DGKG: variants seen among roughly 807,000 people sequenced by gnomAD.
The protein encoded by DGKG is diacylglycerol kinase gamma.
DGKG carries 78 observed loss-of-function variants against 105.3 expected under a neutral mutation model. The observed-to-expected ratio is 0.74, with a 90% CI of 0.62 to 0.89. The LOEUF (loss-of-function observed/expected upper bound fraction) is 0.89. DGKG is among the 40% of genes least tolerant of loss of function. The pLI is 0.00. For missense variants in DGKG, 958 were observed against 1,020.1 expected (o/e 0.94, Z 0.83); for synonymous variants, 346 against 367.1 (o/e 0.94, Z 0.66).
chr3:186,272,408 T>A, intron 10 of DGKG, 65 bp from the exon 11 acceptor site: 2 of 1,204,914 alleles, frequency 1.7e-6, no homozygotes, highest in Non-Finnish European at 2.5e-6. Flanking sequence ...CCAGCTGCCC[T>A]CCCACCCTAG....
intron 4 of DGKG, among the ~76,000 whole-genome samples, chr3:186,297,686 T>C (rs549850682): frequency 1.4e-4 from 22 of 152,284 alleles, no homozygotes; most frequent in African/African-American, 5.3e-4. Context: ...ACAGGGATCA[T>C]GGCTTCCCTC....
chr3:186,274,569 G>C (rs1444558689), intron 10 of DGKG, among the ~76,000 whole-genome samples: 1 of 125,646 alleles, frequency 8.0e-6, no homozygotes, highest in Non-Finnish European at 1.6e-5. Flanking sequence ...CCCAGTGTGT[G>C]ATGTTCCCCA....
chr3:186,308,620 C>G (rs775190790), intron 2 of DGKG, among the ~76,000 whole-genome samples: 9 of 152,094 alleles, frequency 5.9e-5, no homozygotes, highest in Non-Finnish European at 1.0e-4. Flanking sequence ...AGGATTGAGA[C>G]ATATTGAAAT....
At chr3:186,342,531 C>A (rs1358976450) in intron 1 of DGKG, among the ~76,000 whole-genome samples, 1 of 152,182 alleles carries the variant, frequency 6.6e-6, no homozygotes, top group East Asian at 1.9e-4. Context: ...TAGATACACT[C>A]CTCTGTCTCT....
chr3:186,346,476 A>T (rs74752711), intron 1 of DGKG, among the ~76,000 whole-genome samples: 3,846 of 152,118 alleles, frequency 0.025, 143 homozygotes, highest in African/African-American at 0.088. Flanking sequence ...TAATTCCTAT[A>T]TGTTTTACTC....
At chr3:186,323,962 G>A (rs1578835001) in intron 1 of DGKG, among the ~76,000 whole-genome samples, 1 of 145,528 alleles carries the variant, frequency 6.9e-6, no homozygotes, top group East Asian at 2.0e-4. Flanking sequence ...AAAAAAATTA[G>A]CTGGGTGTCG....
chr3:186,284,618 C>G lies in DGKG; in HGVS notation c.594+42G>C, dbSNP rs754611001. On this transcript the variant is annotated intron_variant, in intron 7 of 24. Coordinates refer to ENST00000265022, the MANE Select transcript of DGKG (RefSeq NM_001346.3). This position sits in a 1 kb window ranked among gnomAD's most constrained non-coding sequence, Gnocchi z 4.0. ...CTCTGCTTGCTCCCTGCTCCCCCAG[C>G]CTTTCTCAGGTCCATGAGGGATATT... The G allele has an allele frequency of 8.4e-6, 13 of 1,554,904 alleles. No homozygotes were observed. The African/African-American group carries it at 1.8e-4, about 21-fold the overall frequency.
chr3:186,261,170 T>C (rs1721755044), intron 15 of DGKG, among the ~76,000 whole-genome samples: 1 of 152,196 alleles, frequency 6.6e-6, no homozygotes, highest in Non-Finnish European at 1.5e-5. Context: ...CAGATCACGG[T>C]GCCATCTGTT....
At chr3:186,177,491 C>A (rs771695542) in intron 22 of DGKG, among the ~76,000 whole-genome samples, 1 of 152,220 alleles carries the variant, frequency 6.6e-6, no homozygotes, top group African/African-American at 2.4e-5. Context: ...GAAGGGAAGA[C>A]CTCCTTGCCT....
rs1330360912 is a variant in DGKG at position 186,202,794 on chromosome 3, C to T, written c.1917+9001G>A. Among the ~76,000 whole-genome samples, 5 of 152,186 alleles carry T rather than the reference C, an allele frequency of 3.3e-5. No homozygotes were observed. In the South Asian group the frequency reaches 1.0e-3, roughly 31 times the overall value. On this transcript the variant is annotated intron_variant, in intron 21 of 24. Transcript: ENST00000265022. ...GACCCCCAACTTTGGTCTTCTGAGACTTTCTTGGGCCCCATCTATTAAACA... is the reference window on the plus strand; with the variant it reads ...GACCCCCAACTTTGGTCTTCTGAGATTTTCTTGGGCCCCATCTATTAAACA...
chr3:186,317,062 T>C (rs1436742369), intron 2 of DGKG, among the ~76,000 whole-genome samples: 1 of 152,148 alleles, frequency 6.6e-6, no homozygotes, highest in Non-Finnish European at 1.5e-5. Flanking sequence ...CAAAGGTAAA[T>C]GTTTAAAGAA....
chr3:186,207,974 T>C (rs1432503072), intron 21 of DGKG, among the ~76,000 whole-genome samples: 1 of 152,230 alleles, frequency 6.6e-6, no homozygotes, highest in East Asian at 1.9e-4. Flanking sequence ...CTCCTATTCC[T>C]TCTCAAACAG....
intron 21 of DGKG, among the ~76,000 whole-genome samples, chr3:186,201,507 G>T (rs1718459415): frequency 6.6e-6 from 1 of 152,164 alleles, no homozygotes; most frequent in African/African-American, 2.4e-5. Flanking sequence ...GGCATTTCCT[G>T]TCCTGGTTCA....
rs374515106 is a variant in DGKG at position 186,265,341 on chromosome 3, A to G, written c.1210-35T>C. 2.3e-3 allele frequency: 3,705 copies of G among 1,596,202 alleles called. 15 individuals carry two copies. The highest frequency in any genetic ancestry group is 3.0e-3 in the Non-Finnish European group (3,526 of 1,164,150). The stretch of plus-strand genomic sequence containing the variant: ...GAAAGGAAAGACAAGCATCTTTTGG[A>G]AAAAGAAGCCTAACACAAAGAAAGA... On this transcript the variant is annotated intron_variant, in intron 13 of 24. Coordinates refer to ENST00000265022, the MANE Select transcript of DGKG (RefSeq NM_001346.3).
At chr3:186,228,204 G>T (rs751188318) in intron 20 of DGKG, among the ~76,000 whole-genome samples, 1 of 152,100 alleles carries the variant, frequency 6.6e-6, no homozygotes, top group Non-Finnish European at 1.5e-5. Flanking sequence ...AAGCTCTGTC[G>T]TTGGTTTCCA....
intron 14 of DGKG, among the ~76,000 whole-genome samples, chr3:186,263,165 ACAC>A (rs67839032): frequency 0.12 from 18,537 of 151,338 alleles, 1,435 homozygotes; most frequent in African/African-American, 0.2. Context: ...CAAACAAAAA[ACAC>A]CACCACCACC....
intron 12 of DGKG, 53 bp from the exon 13 acceptor site, chr3:186,267,830 A>C: frequency 6.5e-7 from 1 of 1,545,948 alleles, no homozygotes; most frequent in Non-Finnish European, 8.9e-7. Context: ...AGAAACATCA[A>C]ACATGAAGGT....
chr3:186,327,656 A>G (rs1725413180), intron 1 of DGKG, among the ~76,000 whole-genome samples: 1 of 151,132 alleles, frequency 6.6e-6, no homozygotes, highest in Non-Finnish European at 1.5e-5. Flanking sequence ...CAAGTGATCC[A>G]CCTGCCTCGG....
At chr3:186,301,009 A>G (rs1292128905) in intron 3 of DGKG, among the ~76,000 whole-genome samples, 1 of 152,236 alleles carries the variant, frequency 6.6e-6, no homozygotes, top group Non-Finnish European at 1.5e-5. Flanking sequence ...GTTAATGCCA[A>G]TGACACCATT....
Sources: gnomAD v4.1 joint callset for allele counts (sites outside exome capture counted in the v4.1 genomes callset) on GRCh38, gnomAD v4.1.1 for gene constraint, Gnocchi (gnomAD v3.1) non-coding constraint, MANE v1.5 for transcripts, NCBI Gene and HGNC (gene_info 2026-07-23, HGNC 2026-07-21) for gene names.